The following LOC400499 variants were observed in gnomAD, a reference collection of about 807,000 sequenced individuals.
chr16:11,520,645 C>T, the LOC400499 span, among the ~76,000 whole-genome samples: 4 of 119,508 alleles, frequency 3.3e-5, no homozygotes, highest in Admixed American at 1.1e-4. Flanking sequence ...CCAGCCTGGG[C>T]GACAGAGTGA....
the LOC400499 span, among the ~76,000 whole-genome samples, chr16:11,377,580 T>G: frequency 6.6e-6 from 1 of 152,270 alleles, no homozygotes; most frequent in African/African-American, 2.4e-5. Context: ...GTGTTTTCTT[T>G]CGTTCATTCT....
chr16:11,511,726 A>G, the LOC400499 span, among the ~76,000 whole-genome samples: 2 of 152,184 alleles, frequency 1.3e-5, no homozygotes, highest in Non-Finnish European at 2.9e-5. Context: ...AGTGATGACA[A>G]TGTTCTATAG....
chr16:11,490,801 T>C, the LOC400499 span, among the ~76,000 whole-genome samples: 7 of 152,258 alleles, frequency 4.6e-5, no homozygotes, highest in Admixed American at 4.6e-4. Flanking sequence ...TTTACCTATG[T>C]ATTACAAGTT....
chr16:11,396,993 CT>C, the LOC400499 span, among the ~76,000 whole-genome samples: 1 of 151,996 alleles, frequency 6.6e-6, no homozygotes. Context: ...AGTGAGGCCC[CT>C]TTTTGCAACA....
chr16:11,490,877 G>T, the LOC400499 span, among the ~76,000 whole-genome samples: 3,433 of 152,270 alleles, frequency 0.023, 127 homozygotes, highest in African/African-American at 0.078. Context: ...ATACTGGGGG[G>T]AAGAGGAAGG....
At chr16:11,403,466 C>T in the LOC400499 span, among the ~76,000 whole-genome samples, 1 of 148,490 alleles carries the variant, frequency 6.7e-6, no homozygotes, top group Non-Finnish European at 1.5e-5. Context: ...TGCACACATA[C>T]ACACATGAGC....
At chr16:11,480,998 C>T in the LOC400499 span, among the ~76,000 whole-genome samples, 11 of 152,154 alleles carry the variant, frequency 7.2e-5, no homozygotes, top group African/African-American at 1.7e-4. Flanking sequence ...TACATCCATA[C>T]GATGAAATAT....
the LOC400499 span, chr16:11,384,112 G>A: frequency 4.1e-6 from 5 of 1,223,834 alleles, no homozygotes; most frequent in Non-Finnish European, 5.1e-6. Context: ...GGCCTACGAA[G>A]TCCTCTGCAG....
the LOC400499 span, chr16:11,391,734 G>A: frequency 9.7e-6 from 12 of 1,232,098 alleles, no homozygotes; most frequent in South Asian, 8.2e-5. Flanking sequence ...CAGGTGCTGG[G>A]TCAGTGCCTG....
At chr16:11,433,170 G>A in the LOC400499 span, among the ~76,000 whole-genome samples, 29 of 152,316 alleles carry the variant, frequency 1.9e-4, no homozygotes, top group East Asian at 4.4e-3. Context: ...CCACAAAGCT[G>A]AAAATATTTC....
chr16:11,459,073 T>A, the LOC400499 span, among the ~76,000 whole-genome samples: 298 of 146,906 alleles, frequency 2.0e-3, no homozygotes, highest in African/African-American at 7.1e-3. Context: ...AATAAATAAA[T>A]AAAAAACAGT....
At chr16:11,490,207 C>A in the LOC400499 span, among the ~76,000 whole-genome samples, 1 of 151,590 alleles carries the variant, frequency 6.6e-6, no homozygotes, top group South Asian at 2.1e-4. Context: ...ACCAGCCTGG[C>A]CCACATGGCA....
the LOC400499 span, among the ~76,000 whole-genome samples, chr16:11,516,514 C>A: frequency 6.6e-6 from 1 of 152,180 alleles, no homozygotes; most frequent in Non-Finnish European, 1.5e-5. Context: ...CCACCCCAGC[C>A]TTTTCACCCC....
the LOC400499 span, chr16:11,407,312 T>G: frequency 2.5e-6 from 1 of 398,606 alleles, no homozygotes; most frequent in East Asian, 3.6e-5. Flanking sequence ...GAACATGCTC[T>G]GAACCTCACC....
chr16:11,460,771 G>C, the LOC400499 span, among the ~76,000 whole-genome samples: 14 of 152,388 alleles, frequency 9.2e-5, no homozygotes, highest in East Asian at 2.7e-3. Context: ...GAGGTGTTAA[G>C]AGATGGGTGA....
At chr16:11,425,894 A>G in the LOC400499 span, among the ~76,000 whole-genome samples, 26,065 of 152,120 alleles carry the variant, frequency 0.17, 2,375 homozygotes, top group Middle Eastern at 0.26. Flanking sequence ...AAGCTTTGCA[A>G]AAAAGGAAAA....
At chr16:11,404,494 C>T in the LOC400499 span, among the ~76,000 whole-genome samples, 1 of 152,160 alleles carries the variant, frequency 6.6e-6, no homozygotes, top group Non-Finnish European at 1.5e-5. Context: ...TTGTAGGTGC[C>T]TGCCACCATG....
At chr16:11,440,524 A>G in the LOC400499 span, among the ~76,000 whole-genome samples, 2 of 152,224 alleles carry the variant, frequency 1.3e-5, no homozygotes, top group African/African-American at 4.8e-5. Context: ...GGCCTTTCAC[A>G]AAGAGCCAAA....
the LOC400499 span, among the ~76,000 whole-genome samples, chr16:11,486,047 AATAGATGGATGGATGT>A: frequency 2.6e-5 from 4 of 151,492 alleles, no homozygotes; most frequent in African/African-American, 9.7e-5. Context: ...GGATTGAGTG[AATAGATGGATGGATGT>A]ATGGATGGAT....
Sources: allele counts gnomAD v4.1 joint callset (sites outside exome capture counted in the v4.1 genomes callset), GRCh38; gene constraint gnomAD v4.1.1; transcripts MANE v1.5.